The following NHSL1 variants were observed in gnomAD, a reference collection of about 807,000 sequenced individuals.
The protein encoded by NHSL1 is NHS like 1, also known as NHS-like protein 1.
In NHSL1, 48 loss-of-function variants were observed where a neutral mutation model predicts 95.0. That is an observed-to-expected ratio of 0.51 (90% CI 0.40 to 0.64). The LOEUF (loss-of-function observed/expected upper bound fraction) is 0.64. Among genes scored for constraint, NHSL1 ranks in the 30% least tolerant of loss-of-function variants. The probability of loss-of-function intolerance (pLI) is 0.00; values close to 1 mark genes in which losing one functional copy is unlikely to be tolerated. For missense variants in NHSL1, 1,971 were observed against 2,077.7 expected (o/e 0.95, Z 1.00); for synonymous variants, 783 against 833.9 (o/e 0.94, Z 1.05).
chr6:138,691,618 G>C lies in NHSL1; in HGVS notation c.96+858C>G, dbSNP rs545979087. The stretch of plus-strand genomic sequence containing the variant: ...ATCTCCAATTTATTCTTTACACTTA[G>C]GATTATGACCAAGTTCACGTACTTA... On this transcript the variant is annotated intron_variant, in intron 1 of 3. Transcript: ENST00000491526. 3.9e-5 allele frequency among the ~76,000 whole-genome samples: 6 copies of C among 152,180 alleles called. No homozygotes were observed. The South Asian group carries it at 1.2e-3, about 32-fold the overall frequency.
chr6:138,659,675 A>G (rs974241135), intron 1 of NHSL1, among the ~76,000 whole-genome samples: 2 of 151,948 alleles, frequency 1.3e-5, no homozygotes, highest in Non-Finnish European at 2.9e-5. Context: ...AGCAACTAAC[A>G]TAATGAGCTA....
intron 1 of NHSL1, among the ~76,000 whole-genome samples, chr6:138,540,063 ATG>A (rs1278522314): frequency 6.6e-6 from 1 of 152,236 alleles, no homozygotes; most frequent in African/African-American, 2.4e-5. Flanking sequence ...TGAAAAATGC[ATG>A]TTATTACCAC....
chr6:138,684,841 A>G (rs1284613173), intron 1 of NHSL1, among the ~76,000 whole-genome samples: 1 of 152,232 alleles, frequency 6.6e-6, no homozygotes, highest in East Asian at 1.9e-4. Context: ...CTCCTGCTGC[A>G]TCTGAACTTC....
chr6:138,621,098 C>A (rs184006029), intron 1 of NHSL1, among the ~76,000 whole-genome samples: 37 of 152,310 alleles, frequency 2.4e-4, no homozygotes, highest in African/African-American at 8.2e-4. Flanking sequence ...CTCCTGCCCC[C>A]CTGCCAGCAT....
chr6:138,580,417 G>C (rs1784035538), intron 1 of NHSL1, among the ~76,000 whole-genome samples: 1 of 152,220 alleles, frequency 6.6e-6, no homozygotes, highest in South Asian at 2.1e-4. Context: ...TTCGGGATGA[G>C]ATGTACTCTC....
At chr6:138,581,940 T>C (rs1254518003) in intron 1 of NHSL1, among the ~76,000 whole-genome samples, 1 of 149,878 alleles carries the variant, frequency 6.7e-6, no homozygotes, top group African/African-American at 2.5e-5. Flanking sequence ...CTCTGTTGCT[T>C]AGGCTGGAGT....
At chr6:138,584,107 A>C (rs1302474123) in intron 1 of NHSL1, among the ~76,000 whole-genome samples, 1 of 152,218 alleles carries the variant, frequency 6.6e-6, no homozygotes, top group African/African-American at 2.4e-5. Context: ...CAACAGAGCA[A>C]GATTTTATCT....
intron 1 of NHSL1, among the ~76,000 whole-genome samples, chr6:138,681,950 T>C (rs942840045): frequency 2.6e-5 from 4 of 151,874 alleles, no homozygotes; most frequent in African/African-American, 9.7e-5. Context: ...TCTAAAACCA[T>C]TGTCTATCCT....
chr6:138,609,072 C>T (rs1262729501), intron 1 of NHSL1, among the ~76,000 whole-genome samples: 1 of 152,124 alleles, frequency 6.6e-6, no homozygotes, highest in African/African-American at 2.4e-5. Flanking sequence ...TGTAAAGGGT[C>T]CACGATCCCC....
At chr6:138,480,665 C>G (rs1157342311) in intron 2 of NHSL1, among the ~76,000 whole-genome samples, 1 of 152,262 alleles carries the variant, frequency 6.6e-6, no homozygotes, top group South Asian at 2.1e-4. Context: ...AGCATTGAAT[C>G]TTTTGCAACC....
chr6:138,594,579 A>G (rs1583439639), intron 1 of NHSL1, among the ~76,000 whole-genome samples: 1 of 152,164 alleles, frequency 6.6e-6, no homozygotes, highest in Non-Finnish European at 1.5e-5. Flanking sequence ...GTATGGGCCC[A>G]TTGCCAAATC....
intron 1 of NHSL1, among the ~76,000 whole-genome samples, chr6:138,562,430 T>G (rs1241529744): frequency 2.0e-5 from 3 of 152,114 alleles, no homozygotes; most frequent in Non-Finnish European, 2.9e-5. Context: ...GTGGATCACC[T>G]GAGGTCAGGA....
At chr6:138,636,224 A>T (rs1784887239) in intron 1 of NHSL1, among the ~76,000 whole-genome samples, 1 of 152,152 alleles carries the variant, frequency 6.6e-6, no homozygotes, top group Admixed American at 6.6e-5. Context: ...ACATCCCTTC[A>T]TGATAAACAC....
chr6:138,469,415 T>C (rs1778608079), intron 3 of NHSL1, among the ~76,000 whole-genome samples: 1 of 152,158 alleles, frequency 6.6e-6, no homozygotes, highest in Admixed American at 6.5e-5. Flanking sequence ...CTAAGACTTG[T>C]TAACTTTATA....
chr6:138,529,103 T>C (rs1782029249), intron 1 of NHSL1, among the ~76,000 whole-genome samples: 1 of 152,190 alleles, frequency 6.6e-6, no homozygotes, highest in Non-Finnish European at 1.5e-5. Context: ...TAGCATAAGA[T>C]TCCCTTGATT....
chr6:138,596,094 G>T (rs1784299850), intron 1 of NHSL1, among the ~76,000 whole-genome samples: 1 of 152,200 alleles, frequency 6.6e-6, no homozygotes, highest in Non-Finnish European at 1.5e-5. Flanking sequence ...AAAAGGCATA[G>T]AAAGGTAATG....
intron 1 of NHSL1, among the ~76,000 whole-genome samples, chr6:138,498,660 C>A (rs1349564698): frequency 6.6e-6 from 1 of 152,170 alleles, no homozygotes; most frequent in East Asian, 1.9e-4. Flanking sequence ...ATGGTAAGTA[C>A]ACAATAAAGC....
At chr6:138,592,564 T>C (rs918621807) in intron 1 of NHSL1, among the ~76,000 whole-genome samples, 1 of 152,074 alleles carries the variant, frequency 6.6e-6, no homozygotes, top group Non-Finnish European at 1.5e-5. Context: ...ATTGCTCCAC[T>C]GCACTCCAGC....
chr6:138,629,027 G>A (rs1026580647), intron 1 of NHSL1, among the ~76,000 whole-genome samples: 3 of 152,222 alleles, frequency 2.0e-5, no homozygotes, highest in Non-Finnish European at 2.9e-5. Context: ...GTCATTCCAC[G>A]CCAGCCTCTG....
Sources: allele counts gnomAD v4.1 joint callset (sites outside exome capture counted in the v4.1 genomes callset), GRCh38; gene constraint gnomAD v4.1.1; transcripts MANE v1.5; gene names NCBI Gene and HGNC (gene_info 2026-07-23, HGNC 2026-07-21).